The following TINAG variants were observed in gnomAD, a reference collection of about 807,000 sequenced individuals.
TINAG encodes the protein tubulointerstitial nephritis antigen.
Under a neutral mutation model 72.7 loss-of-function variants are expected in TINAG, and 83 were observed. That is an observed-to-expected ratio of 1.14 (90% CI 0.96 to 1.37). The LOEUF (loss-of-function observed/expected upper bound fraction) is 1.37, where lower values mean the gene tolerates loss of function less well. TINAG is among the 40% of genes most tolerant of loss of function. The pLI, the probability that TINAG is intolerant of heterozygous loss-of-function variation, is 0.00. For missense variants in TINAG, 685 were observed against 576.6 expected, an observed-to-expected ratio of 1.19 and a Z score of -1.93; for synonymous variants, 234 against 189.9, an observed-to-expected ratio of 1.23 and a Z score of -1.91.
chr6:54,343,048 G>A (rs554661589), intron 4 of TINAG, among the ~76,000 whole-genome samples, 178 bp from the exon 5 acceptor site: 1 of 152,162 alleles, frequency 6.6e-6, no homozygotes, highest in South Asian at 2.1e-4. Context: ...TCCCCATATT[G>A]AATTGTCATT....
chr6:54,316,365 C>T (rs1207750468), intron 1 of TINAG, among the ~76,000 whole-genome samples: 1 of 152,080 alleles, frequency 6.6e-6, no homozygotes, highest in Non-Finnish European at 1.5e-5. Flanking sequence ...CAATGGGAGC[C>T]AATTATTTAT....
At chr6:54,371,094 AT>A (rs1445776369) in intron 9 of TINAG, among the ~76,000 whole-genome samples, 18 of 150,410 alleles carry the variant, frequency 1.2e-4, no homozygotes, top group African/African-American at 3.9e-4. Flanking sequence ...TTCCAAAAAA[AT>A]GTCACTTACG....
In TINAG at chr6:54,390,001, G is replaced by A. The variant is rs116101322; in HGVS notation, c.*76G>A. On this transcript the variant is annotated 3_prime_UTR_variant, in exon 11 of 11. Coordinates refer to ENST00000259782, the MANE Select transcript of TINAG (RefSeq NM_014464.4). ...GAAGTTTAGCAATATGACATTCTTGGTGACAGTGGAATCTTTGTCTCTTCA... is the reference window on the plus strand; with the variant it reads ...GAAGTTTAGCAATATGACATTCTTGATGACAGTGGAATCTTTGTCTCTTCA... 3,017 of 1,554,526 alleles carry A rather than the reference G, an allele frequency of 1.9e-3. 35 individuals are homozygous for A. The African/African-American group carries it at 0.027, about 14-fold the overall frequency.
intron 4 of TINAG, among the ~76,000 whole-genome samples, chr6:54,333,271 T>C (rs1226949882): frequency 6.6e-6 from 1 of 152,138 alleles, no homozygotes; most frequent in Non-Finnish European, 1.5e-5. Context: ...ATATATACCA[T>C]GGAATACTAT....
rs559655702 is a variant in TINAG at position 54,370,934 on chromosome 6, G to A, written c.1251-9592G>A. The stretch of plus-strand genomic sequence containing the variant: ...ACACTGATCAGGTCTGTTCCACTCC[G>A]TAAGTGCTATTGCTATGAACTGACC... On this transcript the variant is annotated intron_variant, in intron 9 of 10. Coordinates refer to ENST00000259782, the MANE Select transcript of TINAG (RefSeq NM_014464.4). Among the ~76,000 whole-genome samples the A allele has an allele frequency of 9.5e-4, 144 of 152,138 alleles. 1 individual carries two copies. Among genetic ancestry groups the A allele is most frequent in the African/African-American group, 3.3e-3 (139 of 41,508 alleles).
chr6:54,353,003 A>G (rs1785301892), intron 8 of TINAG, among the ~76,000 whole-genome samples: 1 of 151,776 alleles, frequency 6.6e-6, no homozygotes, highest in South Asian at 2.1e-4. Context: ...GAACAACCAA[A>G]CATCTCATCC....
intron 1 of TINAG, among the ~76,000 whole-genome samples, chr6:54,318,115 C>A (rs1421006212): frequency 1.3e-5 from 2 of 152,048 alleles, no homozygotes; most frequent in Non-Finnish European, 2.9e-5. Flanking sequence ...AGTCCTGGAC[C>A]ACTTTCTCTT....
intron 10 of TINAG, among the ~76,000 whole-genome samples, chr6:54,388,323 T>C (rs969551038): frequency 3.9e-5 from 6 of 152,228 alleles, no homozygotes; most frequent in African/African-American, 1.4e-4. Flanking sequence ...TTTGAAATGA[T>C]AAATTGAACT....
intron 4 of TINAG, among the ~76,000 whole-genome samples, chr6:54,331,512 GC>G (rs1040753983): frequency 1.3e-4 from 20 of 152,216 alleles, no homozygotes; most frequent in African/African-American, 4.3e-4. Context: ...TACTGAATGG[GC>G]AAAAGCTGGA....
intron 9 of TINAG, among the ~76,000 whole-genome samples, chr6:54,373,539 A>G (rs1763692905): frequency 6.6e-6 from 1 of 152,108 alleles, no homozygotes; most frequent in African/African-American, 2.4e-5. Flanking sequence ...TAATCTTGAA[A>G]TGCTATTTAA....
intron 7 of TINAG, 100 bp from the exon 8 acceptor site, chr6:54,351,252 A>C: frequency 9.6e-7 from 1 of 1,040,706 alleles, no homozygotes; most frequent in Non-Finnish European, 1.4e-6. Flanking sequence ...TTCAAAGTAC[A>C]ATTGAGAGTA....
Position 54,347,373 on chromosome 6 carries a change from C to A in TINAG, c.755C>A (p.Ala252Asp). Residue 252 changes from alanine to aspartate, a missense_variant, in exon 6 of 11, where the codon GCT (alanine) becomes GAT (aspartate). By Grantham distance (126) the Ala-to-Asp change is moderately radical. Coordinates refer to ENST00000259782, the MANE Select transcript of TINAG (RefSeq NM_014464.4). ...ASWAFSTASV[A>D]ADRIAIQSKG... is the part of the protein sequence containing the mutation. ...GATATTCTATTTGAAACAGGTGTGG[C>A]TGCTGACCGAATAGCAATTCAGTCT... 1 of 1,612,324 alleles carries A rather than the reference C, an allele frequency of 6.2e-7. No individual in the cohort carries two copies. The highest frequency in any genetic ancestry group is 8.5e-7 in the Non-Finnish European group (1 of 1,179,100).
At chr6:54,339,600 T>C (rs557666009) in intron 4 of TINAG, among the ~76,000 whole-genome samples, 1 of 152,240 alleles carries the variant, frequency 6.6e-6, no homozygotes, top group South Asian at 2.1e-4. Context: ...CATATTGATC[T>C]TTTTAAGAAG....
At position 54,325,881 on chromosome 6, in the gene TINAG, T is replaced by C. The variant is rs577306299; in HGVS notation, c.510-921T>C. 7.2e-5 allele frequency among the ~76,000 whole-genome samples: 11 copies of C among 152,302 alleles called. No homozygotes were observed. In the South Asian group the frequency reaches 1.7e-3, roughly 23 times the overall value. ...ACAGATCTTGTACAAATTAAAAGCA[T>C]TAACTTGTGAGGTATATTATTAAAA... On this transcript the variant is annotated intron_variant, in intron 3 of 10. Transcript: ENST00000259782.
At position 54,372,727 on chromosome 6, in the gene TINAG, CATATATATAT is replaced by C. The variant is rs67301819; in HGVS notation, c.1251-7763_1251-7754del. 7.4e-3 allele frequency among the ~76,000 whole-genome samples: 989 copies of C among 133,862 alleles called. 8 individuals are homozygous for C. Among genetic ancestry groups the C allele is most frequent in the African/African-American group, 0.022 (810 of 36,786 alleles). The allele number at this position is 133,862 out of a possible 152,430, so 87.8% of individuals were successfully genotyped here. On this transcript the variant is annotated intron_variant, in intron 9 of 10. Transcript: ENST00000259782. ...TCCAAGAATATTATATAAATACATA[CATATATATAT>C]ATATATATATATATATATATATATA...
intron 10 of TINAG, among the ~76,000 whole-genome samples, chr6:54,384,097 A>G (rs1764026435): frequency 6.6e-6 from 1 of 152,166 alleles, no homozygotes; most frequent in African/African-American, 2.4e-5. Context: ...GCAAACTAAC[A>G]CAGGAACAGA....
chr6:54,382,109 A>C (rs1445797496), intron 10 of TINAG, among the ~76,000 whole-genome samples: 1 of 152,098 alleles, frequency 6.6e-6, no homozygotes, highest in East Asian at 1.9e-4. Context: ...TGTTGTACTT[A>C]CTATCGATTC....
At chr6:54,385,242 T>C (rs998887713) in intron 10 of TINAG, among the ~76,000 whole-genome samples, 13 of 151,560 alleles carry the variant, frequency 8.6e-5, no homozygotes, top group African/African-American at 2.9e-4. Flanking sequence ...TTGCAAAAAA[T>C]GATTAAATGT....
At chr6:54,327,077 C>A (rs1784621865) in intron 4 of TINAG, 161 bp downstream of exon 4, 1 of 1,545,524 alleles carries the variant, frequency 6.5e-7, no homozygotes, top group South Asian at 1.2e-5. Flanking sequence ...GTTGTTAAAC[C>A]CCTCAAAAGT....
Sources: gnomAD v4.1 joint callset for allele counts (sites outside exome capture counted in the v4.1 genomes callset) on GRCh38, gnomAD v4.1.1 for gene constraint, MANE v1.5 for transcripts, NCBI Gene and HGNC (gene_info 2026-07-23, HGNC 2026-07-21) for gene names.